The following MTUS2 variants were observed in gnomAD, a reference collection of about 807,000 sequenced individuals.
MTUS2 encodes the protein microtubule associated scaffold protein 2.
In MTUS2, 40 loss-of-function variants were observed where a neutral mutation model predicts 114.1. The ratio of observed to expected loss-of-function variants is 0.35; its 90% CI spans 0.27 to 0.46. The LOEUF (loss-of-function observed/expected upper bound fraction) is 0.46. MTUS2 is among the 20% of genes least tolerant of loss of function. The pLI is 1.00. For missense variants in MTUS2, 1,679 were observed against 1,705.4 expected (o/e 0.98, Z 0.27); for synonymous variants, 688 against 672.0 (o/e 1.02, Z -0.37).
chr13:29,498,612 G>A lies in MTUS2; in HGVS notation c.3798+75G>A, dbSNP rs997898481. On this transcript the variant is annotated intron_variant, in intron 14 of 15. Transcript: ENST00000612955. ...GTCATCACTGATGTCATCGTTGATG[G>A]TGTTCAGCCAGGTGTGTCCCTTACC... is the stretch of plus-strand genomic sequence containing the variant. The A allele has an allele frequency of 3.8e-6, 6 of 1,586,688 alleles. No individual in the cohort carries two copies. The African/African-American group carries it at 6.7e-5, about 18-fold the overall frequency.
At chr13:29,419,469 G>A (rs1163370403) in intron 8 of MTUS2, among the ~76,000 whole-genome samples, 1 of 152,186 alleles carries the variant, frequency 6.6e-6, no homozygotes, top group Non-Finnish European at 1.5e-5. Context: ...TGGAGGTGGG[G>A]AGACCAGTTC....
intron 2 of MTUS2, among the ~76,000 whole-genome samples, chr13:28,888,187 A>G (rs1878701450): frequency 6.6e-6 from 1 of 152,190 alleles, no homozygotes; most frequent in African/African-American, 2.4e-5. Context: ...TGAGTTCTTA[A>G]TGGATTGAAT....
At chr13:28,962,440 C>G (rs1379672013) in intron 2 of MTUS2, among the ~76,000 whole-genome samples, 1 of 152,106 alleles carries the variant, frequency 6.6e-6, no homozygotes, top group African/African-American at 2.4e-5. Context: ...TGGCTGTATT[C>G]TCTCCTGAAT....
intron 8 of MTUS2, among the ~76,000 whole-genome samples, chr13:29,438,822 CA>C (rs1555278810): frequency 6.6e-6 from 1 of 152,116 alleles, no homozygotes; most frequent in Non-Finnish European, 1.5e-5. Flanking sequence ...TTATTTTTGG[CA>C]TGATGAATAT....
chr13:29,441,703 A>T (rs1391571713), intron 9 of MTUS2, among the ~76,000 whole-genome samples: 2 of 151,528 alleles, frequency 1.3e-5, no homozygotes, highest in Non-Finnish European at 2.9e-5. Flanking sequence ...CTAAGGAAGG[A>T]CTCACCACCC....
At chr13:29,004,322 G>A (rs9706684) in intron 2 of MTUS2, among the ~76,000 whole-genome samples, 2,693 of 152,252 alleles carry the variant, frequency 0.018, 79 homozygotes, top group African/African-American at 0.061. Context: ...AATGCTGGCC[G>A]TGACTCACTA....
At chr13:29,233,427 G>C (rs74938259) in intron 5 of MTUS2, among the ~76,000 whole-genome samples, 1 of 152,072 alleles carries the variant, frequency 6.6e-6, no homozygotes, top group South Asian at 2.1e-4. Context: ...AAGTCTACCC[G>C]GAAGTATAAC....
intron 12 of MTUS2, among the ~76,000 whole-genome samples, chr13:29,495,702 C>A (rs1882506199): frequency 6.6e-6 from 1 of 151,984 alleles, no homozygotes; most frequent in South Asian, 2.1e-4. Flanking sequence ...AAAACCCCAT[C>A]TCTACTAAAA....
chr13:28,977,734 T>C (rs1270756349), intron 2 of MTUS2, among the ~76,000 whole-genome samples: 3 of 152,144 alleles, frequency 2.0e-5, no homozygotes, highest in Non-Finnish European at 4.4e-5. Context: ...AAAAAAAATA[T>C]TATTAAAAAG....
chr13:29,262,009 T>G (rs980748436), intron 5 of MTUS2, among the ~76,000 whole-genome samples: 1 of 152,232 alleles, frequency 6.6e-6, no homozygotes, highest in Non-Finnish European at 1.5e-5. Context: ...TTTTCTCCTA[T>G]GTGAATGTGA....
In MTUS2 at chr13:28,911,861, T is replaced by G. The variant is rs571207439; in HGVS notation, c.-243+72011T>G. 3.6e-3 allele frequency among the ~76,000 whole-genome samples: 548 copies of G among 151,412 alleles called. 1 individual carries two copies. The highest frequency in any genetic ancestry group is 0.013 in the African/African-American group (517 of 41,314). The stretch of plus-strand genomic sequence containing the variant: ...CTTTTTAATGTTTTTTTTTTTTTTT[T>G]TTGTAAATTTGTTTACATTTTTTGT... On this transcript the variant is annotated intron_variant, in intron 2 of 15. Transcript: ENST00000612955.
intron 8 of MTUS2, among the ~76,000 whole-genome samples, chr13:29,426,736 T>G (rs1269176339): frequency 6.6e-6 from 1 of 152,226 alleles, no homozygotes; most frequent in Non-Finnish European, 1.5e-5. Context: ...ACGTGTCAGA[T>G]TAGTTAGGCA....
chr13:29,032,697 G>A (rs982760839), intron 3 of MTUS2, among the ~76,000 whole-genome samples: 1 of 152,128 alleles, frequency 6.6e-6, no homozygotes, highest in African/African-American at 2.4e-5. Context: ...GGAGGACTTT[G>A]TATCTATTTC....
intron 5 of MTUS2, among the ~76,000 whole-genome samples, chr13:29,266,667 C>A (rs181060147): frequency 6.6e-6 from 1 of 152,216 alleles, no homozygotes; most frequent in African/African-American, 2.4e-5. Context: ...TCGGTCATGC[C>A]CACTGTGACT....
chr13:28,980,462 A>G (rs1884309436), intron 2 of MTUS2, among the ~76,000 whole-genome samples: 1 of 152,056 alleles, frequency 6.6e-6, no homozygotes, highest in Non-Finnish European at 1.5e-5. Flanking sequence ...TTTTGCAAAT[A>G]TATGTTGTGC....
At chr13:29,114,562 G>A (rs1043967629) in intron 5 of MTUS2, among the ~76,000 whole-genome samples, 5 of 152,152 alleles carry the variant, frequency 3.3e-5, no homozygotes, top group African/African-American at 7.2e-5. Context: ...AGTAGGAGGG[G>A]GAGAGAAATA....
At chr13:29,441,808 C>T (rs1439297429) in intron 9 of MTUS2, among the ~76,000 whole-genome samples, 1 of 152,154 alleles carries the variant, frequency 6.6e-6, no homozygotes, top group Non-Finnish European at 1.5e-5. Flanking sequence ...CACATGGGAG[C>T]CATCCTCCTC....
chr13:29,273,110 T>A (rs143173604), intron 5 of MTUS2, among the ~76,000 whole-genome samples: 9 of 152,078 alleles, frequency 5.9e-5, no homozygotes, highest in Non-Finnish European at 1.3e-4. Flanking sequence ...TACTATCACA[T>A]TGGCAACATC....
intron 5 of MTUS2, among the ~76,000 whole-genome samples, chr13:29,247,747 A>G (rs1364334069): frequency 6.6e-6 from 1 of 152,230 alleles, no homozygotes; most frequent in Non-Finnish European, 1.5e-5. Flanking sequence ...AAATCAAAAA[A>G]TAATAGATGT....
Sources: allele counts gnomAD v4.1 joint callset (sites outside exome capture counted in the v4.1 genomes callset), GRCh38; gene constraint gnomAD v4.1.1; transcripts MANE v1.5; gene names NCBI Gene and HGNC (gene_info 2026-07-23, HGNC 2026-07-21).